Variants in NEK9 observed in about 807,000 individuals in gnomAD.
NEK9 encodes NIMA related kinase 9, also known as serine/threonine-protein kinase Nek9.
NEK9 carries 75 observed loss-of-function variants against 123.4 expected under a neutral mutation model. That is an observed-to-expected ratio of 0.61 (90% CI 0.50 to 0.74). The LOEUF is 0.74. Among genes scored for constraint, NEK9 ranks in the 30% least tolerant of loss-of-function variants. The pLI is 0.00. For missense variants in NEK9, 952 were observed against 1,214.4 expected (o/e 0.78, Z 3.21); for synonymous variants, 438 against 458.7 (o/e 0.95, Z 0.58).
At chr14:75,112,688 G>T (rs966364029) in intron 8 of NEK9, among the ~76,000 whole-genome samples, 2 of 152,206 alleles carry the variant, frequency 1.3e-5, no homozygotes, top group African/African-American at 4.8e-5. Context: ...CAGGCATGAT[G>T]GTGCACACCT....
chr14:75,084,454 C>T lies in NEK9; in HGVS notation c.*110G>A, dbSNP rs1893955471. On this transcript the variant is annotated 3_prime_UTR_variant, in exon 22 of 22. Transcript: ENST00000238616. ...AGTGCTTCAGAGCCTCTGCCTTGCGCTCCTTTTCTGCAAGTGAACAAAGCC... is the reference window on the plus strand; with the variant it reads ...AGTGCTTCAGAGCCTCTGCCTTGCGTTCCTTTTCTGCAAGTGAACAAAGCC... 1 of 1,364,024 alleles carries T rather than the reference C, an allele frequency of 7.3e-7. No individual in the cohort carries two copies. Among genetic ancestry groups the T allele is most frequent in the East Asian group, 2.3e-5 (1 of 43,346 alleles). The allele number at this position is 1,364,024 out of a possible 1,614,324, so 84.5% of individuals were successfully genotyped here.
chr14:75,090,086 G>A (rs1019971670), intron 19 of NEK9, among the ~76,000 whole-genome samples: 1 of 151,980 alleles, frequency 6.6e-6, no homozygotes, highest in Non-Finnish European at 1.5e-5. Context: ...TCCCGCCTTG[G>A]CCTCCCAAAG....
In NEK9 at chr14:75,084,510, T is replaced by C; in HGVS notation, c.*54A>G. The C allele has an allele frequency of 6.2e-7, 1 of 1,606,458 alleles. No homozygotes were observed. Among genetic ancestry groups the C allele is most frequent in the East Asian group, 2.2e-5 (1 of 44,816 alleles). The stretch of plus-strand genomic sequence containing the variant: ...AGCTGCTCTCTGCATTCGGTAAGTG[T>C]GCTGTGAAGTTCTTTGGGTCCCAGT... On this transcript the variant is annotated 3_prime_UTR_variant, in exon 22 of 22. Transcript: ENST00000238616.
At chr14:75,088,450 T>C (rs375190340) in intron 20 of NEK9, 30 bp downstream of exon 20, 12 of 1,608,262 alleles carry the variant, frequency 7.5e-6, no homozygotes, top group African/African-American at 2.7e-5. Flanking sequence ...GTTTACCTAG[T>C]TGTGATTCAA....
chr14:75,092,434 T>A (rs1020827301), intron 18 of NEK9, among the ~76,000 whole-genome samples: 2 of 151,326 alleles, frequency 1.3e-5, no homozygotes, highest in Non-Finnish European at 2.9e-5. Flanking sequence ...GCCTGGCTAA[T>A]TTTTGTATTT....
In NEK9 at chr14:75,126,821, G is replaced by A. The variant is rs966729163; in HGVS notation, c.101C>T (p.Ala34Val). The change falls in exon 1 of 22, where the codon GCC becomes GTC. Residue 34 changes from alanine to valine, a missense_variant. Ala to Val is a moderately conservative substitution (Grantham distance 64). Around this residue, in one of 4 missense-constraint regions of NEK9, gnomAD observed 120 missense variants for 97.6 expected, o/e 1.23. Transcript: ENST00000238616. ...GCGDSSPGPS[A>V]SQGPRAGGGA... ...GCCGCCGGCTCGCGGCCCCTGACTG[G>A]CGCTAGGCCCCGGACTCGAGTCCCC... is the stretch of plus-strand genomic sequence containing the variant. The A allele has an allele frequency of 3.9e-6, 6 of 1,533,940 alleles. No individual in the cohort carries two copies. The highest frequency in any genetic ancestry group is 5.3e-6 in the Non-Finnish European group (6 of 1,140,828).
chr14:75,124,007 A>G lies in NEK9; in HGVS notation c.397+39T>C, dbSNP rs201182813. 2.7e-4 allele frequency: 413 copies of G among 1,540,386 alleles called. 2 individuals are homozygous for G. Among genetic ancestry groups the G allele is most frequent in the Non-Finnish European group, 2.6e-5 (29 of 1,116,230 alleles). ...TCCTCAACGTAATTATGAGTCTAAGAAAGTCTTGCTGGAAAAGTCCCACTG... is the reference window on the plus strand; with the variant it reads ...TCCTCAACGTAATTATGAGTCTAAGGAAGTCTTGCTGGAAAAGTCCCACTG... On this transcript the variant is annotated intron_variant, in intron 2 of 21. Coordinates refer to ENST00000238616, the MANE Select transcript of NEK9 (RefSeq NM_033116.6).
chr14:75,114,999 A>ATATATACACG (rs1397072364), intron 6 of NEK9, among the ~76,000 whole-genome samples: 27 of 151,476 alleles, frequency 1.8e-4, no homozygotes, highest in Admixed American at 1.3e-3. Flanking sequence ...ATATATACAC[A>ATATATACACG]CATACATATA....
Position 75,126,726 on chromosome 14 carries a change from C to A in NEK9, c.196G>T (p.Ala66Ser). 6.8e-7 allele frequency: 1 copy of A among 1,479,886 alleles called. No homozygotes were observed. 91.7% of individuals were successfully genotyped at this position (1,479,886 alleles called of 1,614,324 possible). Residue 66 changes from alanine (A) to serine (S), a missense_variant, in exon 1 of 22, where the codon GCC becomes TCC. Physicochemically the swap from Ala to Ser is moderately conservative, Grantham distance 99 (BLOSUM62 1). This residue lies in a region of NEK9 where 120 missense variants were observed against 97.6 expected (regional missense o/e 1.23). Transcript: ENST00000238616. ...RVLGRGAFGEATLYRRTEDDS... is the reference protein window; with the variant it reads ...RVLGRGAFGESTLYRRTEDDS... The stretch of plus-strand genomic sequence containing the variant: ...ACCTCGGTGCGGCGGTACAGCGTGG[C>A]TTCCCCGAAGGCGCCGCGGCCCAGG...
intron 8 of NEK9, among the ~76,000 whole-genome samples, chr14:75,110,770 C>A (rs1199678984): frequency 6.6e-6 from 1 of 151,980 alleles, no homozygotes; most frequent in Admixed American, 6.6e-5. Flanking sequence ...CTTTCTGACT[C>A]CTCTATTTCT....
At chr14:75,127,162 G>A (rs1006899749), upstream of NEK9, 77 of 464,436 alleles carry the variant, frequency 1.7e-4, 1 homozygote, top group South Asian at 9.9e-4. Flanking sequence ...CCGCTTTCGG[G>A]GAAGGCCTGC....
At chr14:75,111,574 TAA>T in intron 8 of NEK9, among the ~76,000 whole-genome samples, 1 of 152,202 alleles carries the variant, frequency 6.6e-6, no homozygotes, top group Admixed American at 6.5e-5. Flanking sequence ...ACTCAAGAAA[TAA>T]GAGATTAAAA....
rs748346232 is a variant in NEK9, at chr14:75,109,763, G to A, written c.1104C>T (p.Gly368=). 1.7e-5 allele frequency: 28 copies of A among 1,614,036 alleles called. No homozygotes were observed. In the Admixed American group the frequency reaches 4.0e-4, roughly 23 times the overall value. ...CTGCACAGACCTGCCGGGCACTACA[G>A]CCACTCTTGATAACATCCAGTTTCT... ...TPQKLDVIKS[G]CSARQVCAGN... The change falls in exon 10 of 22, where the codon GGC becomes GGT. Residue 368 remains glycine (G), a synonymous_variant. Transcript: ENST00000238616.
rs143799898 is a variant in NEK9, at chr14:75,087,202, C to T, written c.2633G>A (p.Cys878Tyr). 1 of 1,613,028 alleles carries T rather than the reference C, an allele frequency of 6.2e-7. No individual in the cohort carries two copies. Among genetic ancestry groups the T allele is most frequent in the African/African-American group, 1.3e-5 (1 of 75,034 alleles). The change falls in exon 21 of 22, where the codon TGT becomes TAT. Residue 878 changes from cysteine (C) to tyrosine (Y), a missense_variant. By Grantham distance (194) the Cys-to-Tyr change is radical. This residue lies in a region of NEK9 where 698 missense variants were observed against 875.6 expected (regional missense o/e 0.80). Coordinates refer to ENST00000238616, the MANE Select transcript of NEK9 (RefSeq NM_033116.6). ...SSPRLNPAVT[C>Y]AGKGTPLTPP... ...AGTCAGTGGTGTTCCCTTCCCAGCACAGGTTACTGCAGGATTCAGCCGAGG... is the reference window on the plus strand; with the variant it reads ...AGTCAGTGGTGTTCCCTTCCCAGCATAGGTTACTGCAGGATTCAGCCGAGG...
Position 75,126,909 on chromosome 14 carries a change from C to G in NEK9, c.13G>C (p.Gly5Arg). The change falls in exon 1 of 22, where the codon GGC becomes CGC. Residue 5 changes from glycine to arginine, a missense_variant. Gly to Arg is a moderately radical substitution (Grantham distance 125, BLOSUM62 -2). Transcript: ENST00000238616. MSVL[G>R]EYERHCDSIN... ...GAATCGCAGTGTCGCTCGTACTCGC[C>G]CAGCACCGACATGGCGGCGGCCGCG... 1 of 1,485,358 alleles carries G rather than the reference C, an allele frequency of 6.7e-7. No individual in the cohort carries two copies. The highest frequency in any genetic ancestry group is 2.9e-5 in the East Asian group (1 of 34,102). 92.0% of individuals were successfully genotyped at this position (1,485,358 alleles called of 1,614,324 possible).
At chr14:75,122,044 AT>A (rs1895355356) in intron 2 of NEK9, among the ~76,000 whole-genome samples, 1 of 152,162 alleles carries the variant, frequency 6.6e-6, no homozygotes, top group Admixed American at 6.5e-5. Context: ...ATAAGTGTGA[AT>A]TTACTTCTCT....
chr14:75,104,167 CTT>C (rs57333930), intron 13 of NEK9, among the ~76,000 whole-genome samples, 170 bp from the exon 14 acceptor site: 132 of 143,056 alleles, frequency 9.2e-4, no homozygotes, highest in Admixed American at 1.5e-3. Context: ...ACTACTTTTT[CTT>C]TTTTTTTTTT....
intron 1 of NEK9, among the ~76,000 whole-genome samples, chr14:75,125,632 T>A (rs1295002239): frequency 6.6e-6 from 1 of 152,148 alleles, no homozygotes; most frequent in Non-Finnish European, 1.5e-5. Flanking sequence ...TCATTTTGAG[T>A]GCAAAAAAGA....
chr14:75,100,200 A>G (rs1894527263), intron 16 of NEK9, among the ~76,000 whole-genome samples: 1 of 138,174 alleles, frequency 7.2e-6, no homozygotes, highest in African/African-American at 2.6e-5. Flanking sequence ...TAATCTCAGC[A>G]CTTTGGGAGG....
Sources: allele counts gnomAD v4.1 joint callset (sites outside exome capture counted in the v4.1 genomes callset), GRCh38; gene constraint gnomAD v4.1.1; regional missense constraint gnomAD v4.1.1; transcripts MANE v1.5; gene names NCBI Gene and HGNC (gene_info 2026-07-23, HGNC 2026-07-21).